Variants in EPHB3 observed in about 807,000 individuals in gnomAD.
The protein encoded by EPHB3 is ephrin type-B receptor 3.
A neutral mutation model predicts 100.2 loss-of-function variants in EPHB3; 33 were observed. The observed-to-expected ratio is 0.33, with a 90% CI of 0.25 to 0.44. The LOEUF is 0.44. EPHB3 is among the 20% of genes least tolerant of loss of function. EPHB3 has a pLI of 1.00. For synonymous variants in EPHB3, 526 were observed against 554.7 expected, an observed-to-expected ratio of 0.95 and a Z score of 0.73; for missense variants, 1,045 against 1,378.3, an observed-to-expected ratio of 0.76 and a Z score of 3.83.
At position 184,565,122 on chromosome 3, in the gene EPHB3, A is replaced by G. The variant is rs997144534; in HGVS notation, c.118+2769A>G. Among the ~76,000 whole-genome samples, 3 of 152,068 alleles carry G rather than the reference A, an allele frequency of 2.0e-5. No individual in the cohort carries two copies. The highest frequency in any genetic ancestry group is 1.5e-5 in the Non-Finnish European group (1 of 68,004). On this transcript the variant is annotated intron_variant, in intron 1 of 15. Transcript: ENST00000330394. This position sits in a 1 kb window ranked among gnomAD's most constrained non-coding sequence, Gnocchi z 4.8. ...CCAAGACTCTGCATCCAAGGCTGTC[A>G]TCAGTTTTCCATGTGGATGGAGCCT... is the stretch of plus-strand genomic sequence containing the variant.
chr3:184,578,351 G>T lies in EPHB3; in HGVS notation c.1749-63G>T. 1 of 1,610,620 alleles carries T rather than the reference G, an allele frequency of 6.2e-7. No homozygotes were observed. Among genetic ancestry groups the T allele is most frequent in the Non-Finnish European group, 8.5e-7 (1 of 1,177,748 alleles). ...CCGCCCCTTCTGTGAGCCCAAGGGT[G>T]CCCTGAACAAAGGGAGGCAGATGAC... On this transcript the variant is annotated intron_variant, in intron 8 of 15. Coordinates refer to ENST00000330394, the MANE Select transcript of EPHB3 (RefSeq NM_004443.4). The surrounding 1 kb of genome is among the most constrained non-coding windows in gnomAD (Gnocchi z 4.7).
Position 184,578,264 on chromosome 3 carries a change from C to A in EPHB3, c.1749-150C>A. The A allele has an allele frequency of 8.4e-7, 1 of 1,194,188 alleles. No homozygotes were observed. Among genetic ancestry groups the A allele is most frequent in the Non-Finnish European group, 1.2e-6 (1 of 838,016 alleles). The allele number at this position is 1,194,188 out of a possible 1,614,324, so 74.0% of individuals were successfully genotyped here. A position where few individuals can be genotyped will look rare whatever the true frequency, so the allele number is the denominator to read the frequency against. The stretch of plus-strand genomic sequence containing the variant: ...GTCCACTGAACCCCTTGCTCAGACA[C>A]CCAGAGACTGCTGTGACCACCAATT... On this transcript the variant is annotated intron_variant, in intron 8 of 15. Coordinates refer to ENST00000330394, the MANE Select transcript of EPHB3 (RefSeq NM_004443.4). The surrounding 1 kb of genome is among the most constrained non-coding windows in gnomAD (Gnocchi z 4.7).
Position 184,569,203 on chromosome 3 carries a change from G to T in EPHB3, c.119-2115G>T, listed in dbSNP as rs1360435560. On this transcript the variant is annotated intron_variant, in intron 1 of 15. Transcript: ENST00000330394. This position sits in a 1 kb window ranked among gnomAD's most constrained non-coding sequence, Gnocchi z 5.4. Reference sequence around the variant, plus strand: ...TGCTCCGGCGGGCGGACCGGCGGGCGGACCGGCGGGAGGACTGGCTGCGGG... The same window carrying T: ...TGCTCCGGCGGGCGGACCGGCGGGCTGACCGGCGGGAGGACTGGCTGCGGG... Among the ~76,000 whole-genome samples, 1 of 151,194 alleles carries T rather than the reference G, an allele frequency of 6.6e-6. No homozygotes were observed. Among genetic ancestry groups the T allele is most frequent in the Non-Finnish European group, 1.5e-5 (1 of 67,910 alleles).
Position 184,565,846 on chromosome 3 carries a change from T to TCAGCGGCTGCTGCTGCCACTGCAGCC in EPHB3, c.118+3493_118+3494insCAGCGGCTGCTGCTGCCACTGCAGCC, listed in dbSNP as rs1714370647. Among the ~76,000 whole-genome samples the TCAGCGGCTGCTGCTGCCACTGCAGCC allele has an allele frequency of 1.3e-5, 2 of 152,210 alleles. No individual in the cohort carries two copies. The highest frequency in any genetic ancestry group is 4.8e-5 in the African/African-American group (2 of 41,444). On this transcript the variant is annotated intron_variant, in intron 1 of 15. Transcript: ENST00000330394. The surrounding 1 kb of genome is among the most constrained non-coding windows in gnomAD (Gnocchi z 4.8). Reference sequence around the variant, plus strand: ...CAGCTGCTGCTGCTGCCACTGCAGCTTCAGCGGCTGCTGCGAGCTGAAGCC... The same window carrying TCAGCGGCTGCTGCTGCCACTGCAGCC: ...CAGCTGCTGCTGCTGCCACTGCAGCTCAGCGGCTGCTGCTGCCACTGCAGCCTCAGCGGCTGCTGCGAGCTGAAGCC...
chr3:184,579,652 G>C lies in EPHB3; in HGVS notation c.1925-35G>C, dbSNP rs545950935. 8.1e-6 allele frequency: 13 copies of C among 1,612,052 alleles called. No homozygotes were observed. In the African/African-American group the frequency reaches 1.2e-4, roughly 15 times the overall value. On this transcript the variant is annotated intron_variant, in intron 10 of 15. Transcript: ENST00000330394. This position sits in a 1 kb window ranked among gnomAD's most constrained non-coding sequence, Gnocchi z 5.2. ...GAGAAGCTGAGGCGGGCTGGGTACA[G>C]GAGTGAGTCATAGCTTGTGCCCTGT...
chr3:184,573,233 C>T lies in EPHB3; in HGVS notation c.856+57C>T. Reference sequence around the variant, plus strand: ...TCGGGAGGGCCTGGGCCACAGCTACCTACCGCCCCGCCCCCCACCCCTGCT... The same window carrying T: ...TCGGGAGGGCCTGGGCCACAGCTACTTACCGCCCCGCCCCCCACCCCTGCT... On this transcript the variant is annotated intron_variant, in intron 3 of 15. Transcript: ENST00000330394. The surrounding 1 kb of genome is among the most constrained non-coding windows in gnomAD (Gnocchi z 4.5). 6.3e-7 allele frequency: 1 copy of T among 1,594,172 alleles called. No homozygotes were observed. Among genetic ancestry groups the T allele is most frequent in the Non-Finnish European group, 8.5e-7 (1 of 1,175,688 alleles).
chr3:184,574,785 G>T (rs1194834655), intron 3 of EPHB3, among the ~76,000 whole-genome samples: 1 of 152,188 alleles, frequency 6.6e-6, no homozygotes, highest in African/African-American at 2.4e-5. Flanking sequence ...CACTCTGCAG[G>T]TCCCCGGCAG....
In EPHB3 at chr3:184,579,563, G is replaced by A. The variant is rs150037161; in HGVS notation, c.1888G>A (p.Val630Met). Reference sequence around the variant, plus strand: ...TCGGGAGTTTGCCAAGGAGATCGACGTGTCCTGCGTCAAGATCGAGGAGGT... The same window carrying A: ...TCGGGAGTTTGCCAAGGAGATCGACATGTCCTGCGTCAAGATCGAGGAGGT... ...AVREFAKEIDVSCVKIEEVIG... is the reference protein window; with the variant it reads ...AVREFAKEIDMSCVKIEEVIG... Residue 630 changes from valine (V) to methionine (M), a missense_variant, in exon 10 of 16, where the codon GTG (valine) becomes ATG (methionine). Transcript: ENST00000330394. This position sits in a 1 kb window ranked among gnomAD's most constrained non-coding sequence, Gnocchi z 5.2. The A allele has an allele frequency of 3.8e-4, 609 of 1,614,088 alleles. 1 individual carries two copies. Among genetic ancestry groups the A allele is most frequent in the Admixed American group, 6.3e-4 (38 of 60,014 alleles).
intron 1 of EPHB3, among the ~76,000 whole-genome samples, chr3:184,570,333 C>T (rs1309285399): frequency 6.6e-6 from 1 of 152,236 alleles, no homozygotes; most frequent in Non-Finnish European, 1.5e-5. Context: ...GAGTCAGATA[C>T]ACCTGAACCT....
rs1714562115 is a variant in EPHB3, at chr3:184,572,382, A to G, written c.184-122A>G. The G allele has an allele frequency of 1.7e-6, 2 of 1,143,000 alleles. No homozygotes were observed. Among genetic ancestry groups the G allele is most frequent in the East Asian group, 6.0e-5 (2 of 33,174 alleles). The allele number at this position is 1,143,000 out of a possible 1,614,324, so 70.8% of individuals were successfully genotyped here. A position where few individuals can be genotyped will look rare whatever the true frequency, so the allele number is the denominator to read the frequency against. ...TGGAATTTGAGCCCATATAGCCTGT[A>G]TGCTCAGCCACTGCACACCATAGAA... On this transcript the variant is annotated intron_variant, in intron 2 of 15. Transcript: ENST00000330394. The surrounding 1 kb of genome is among the most constrained non-coding windows in gnomAD (Gnocchi z 6.6).
chr3:184,575,283 AC>A (rs757356412), intron 3 of EPHB3: 2 of 964,396 alleles, frequency 2.1e-6, no homozygotes, highest in Non-Finnish European at 2.5e-6. Context: ...TCCTCCTCTC[AC>A]CCGTCCTCAG....
At chr3:184,568,592 A>ACCCCCCCCCCCCCCTCCCCCCCCC (rs113185340) in intron 1 of EPHB3, among the ~76,000 whole-genome samples, 2 of 131,098 alleles carry the variant, frequency 1.5e-5, no homozygotes, top group Non-Finnish European at 3.3e-5. Flanking sequence ...GGGTTCTATG[A>ACCCCCCCCCCCCCCTCCCCCCCCC]CCCCCCCCCC....
chr3:184,579,088 G>A lies in EPHB3; in HGVS notation c.1802-389G>A, dbSNP rs1714754190. ...ATTGGAAAGGCTCTCAAGCTGGGGA[G>A]TAATACAATGAAAGGATTGTTTTAG... On this transcript the variant is annotated intron_variant, in intron 9 of 15. Coordinates refer to ENST00000330394, the MANE Select transcript of EPHB3 (RefSeq NM_004443.4). The surrounding 1 kb of genome is among the most constrained non-coding windows in gnomAD (Gnocchi z 5.2). Among the ~76,000 whole-genome samples, 1 of 152,182 alleles carries A rather than the reference G, an allele frequency of 6.6e-6. No individual in the cohort carries two copies. The highest frequency in any genetic ancestry group is 2.1e-4 in the South Asian group (1 of 4,818).
chr3:184,574,561 T>A (rs748511088), intron 3 of EPHB3, among the ~76,000 whole-genome samples: 44 of 152,164 alleles, frequency 2.9e-4, no homozygotes, highest in Admixed American at 9.2e-4. Context: ...AGCCTACAGC[T>A]CTGAGGGGTA....
chr3:184,571,065 C>T lies in EPHB3; in HGVS notation c.119-253C>T, dbSNP rs1260649993. Among the ~76,000 whole-genome samples, 1 of 151,854 alleles carries T rather than the reference C, an allele frequency of 6.6e-6. No individual in the cohort carries two copies. Among genetic ancestry groups the T allele is most frequent in the African/African-American group, 2.4e-5 (1 of 41,300 alleles). ...CCGTCTCCCAGGTTCAAGCGATTCT[C>T]CTGCCTCAGCCTCCCGAGTAGCTGG... On this transcript the variant is annotated intron_variant, in intron 1 of 15. Coordinates refer to ENST00000330394, the MANE Select transcript of EPHB3 (RefSeq NM_004443.4). The surrounding 1 kb of genome is among the most constrained non-coding windows in gnomAD (Gnocchi z 5.0).
In EPHB3 at chr3:184,580,492, G is replaced by T; in HGVS notation, c.2263G>T (p.Val755Leu). Residue 755 changes from valine (V) to leucine (L), a missense_variant, in exon 12 of 16, where the codon GTG becomes TTG. Val to Leu is a conservative substitution (Grantham distance 32). This residue lies in a region of EPHB3 where 985 missense variants were observed against 1,331.1 expected (regional missense o/e 0.74). Transcript: ENST00000330394. The part of the protein sequence containing the change: ...GMKYLSEMNY[V>L]HRDLAARNIL... ...GAAGTACCTGTCCGAGATGAACTAT[G>T]TGCACCGCGACCTGGCTGCTCGCAA... is the stretch of plus-strand genomic sequence containing the variant. The T allele has an allele frequency of 6.2e-7, 1 of 1,614,212 alleles. No individual in the cohort carries two copies. The highest frequency in any genetic ancestry group is 1.6e-4 in the Middle Eastern group (1 of 6,062).
At chr3:184,570,237 TAAATG>T (rs1260070324) in intron 1 of EPHB3, among the ~76,000 whole-genome samples, 1 of 152,174 alleles carries the variant, frequency 6.6e-6, no homozygotes, top group Admixed American at 6.5e-5. Context: ...TGTTGGGACT[TAAATG>T]ATAGGCAGTT....
chr3:184,579,925 C>A lies in EPHB3; in HGVS notation c.2163C>A (p.Ser721=). The change falls in exon 11 of 16, where the codon TCC becomes TCA. Residue 721 remains serine, a synonymous_variant. Coordinates refer to ENST00000330394, the MANE Select transcript of EPHB3 (RefSeq NM_004443.4). The surrounding 1 kb of genome is among the most constrained non-coding windows in gnomAD (Gnocchi z 5.2). ...TEFMENCALD[S]FLRLNDGQFT... ...TCATGGAAAACTGCGCCCTGGACTCCTTCCTCCGGGTAAGAGCCAGCCCCC... is the reference window on the plus strand; with the variant it reads ...TCATGGAAAACTGCGCCCTGGACTCATTCCTCCGGGTAAGAGCCAGCCCCC... The A allele has an allele frequency of 1.9e-6, 3 of 1,613,254 alleles. No homozygotes were observed. The South Asian group carries it at 3.3e-5, about 18-fold the overall frequency.
In EPHB3 at chr3:184,581,506, A is replaced by C. The variant is rs1714821622; in HGVS notation, c.2889-8A>C. On this transcript the variant is annotated splice_region_variant and splice_polypyrimidine_tract_variant and intron_variant, in intron 15 of 15. Transcript: ENST00000330394. ...AAGGGACTGATCCTAATTTGGCTCCACCTGCAGAGACCTGCTCCGTATTGG... is the reference window on the plus strand; with the variant it reads ...AAGGGACTGATCCTAATTTGGCTCCCCCTGCAGAGACCTGCTCCGTATTGG... The C allele has an allele frequency of 6.2e-7, 1 of 1,611,438 alleles. No individual in the cohort carries two copies. The highest frequency in any genetic ancestry group is 1.3e-5 in the African/African-American group (1 of 74,980).
Sources: gnomAD v4.1 joint callset for allele counts (sites outside exome capture counted in the v4.1 genomes callset) on GRCh38, gnomAD v4.1.1 for gene constraint, gnomAD v4.1.1 regional missense constraint, Gnocchi (gnomAD v3.1) non-coding constraint, MANE v1.5 for transcripts, NCBI Gene and HGNC (gene_info 2026-07-23, HGNC 2026-07-21) for gene names.